IQSEC1: variants seen among roughly 807,000 people sequenced by gnomAD.
IQSEC1 encodes IQ motif and SEC7 domain-containing protein 1.
Under a neutral mutation model 91.0 loss-of-function variants are expected in IQSEC1, and 31 were observed. That is an observed-to-expected ratio of 0.34 (90% CI 0.26 to 0.46). The LOEUF (loss-of-function observed/expected upper bound fraction) is 0.46. Among genes scored for constraint, IQSEC1 ranks in the 20% least tolerant of loss-of-function variants. The pLI, the probability that IQSEC1 is intolerant of heterozygous loss-of-function variation, is 1.00. For synonymous variants in IQSEC1, 699 were observed against 662.6 expected, an observed-to-expected ratio of 1.05 and a Z score of -0.84; for missense variants, 1,388 against 1,575.6, an observed-to-expected ratio of 0.88 and a Z score of 2.02.
chr3:12,976,259 G>T (rs772994635), intron 1 of IQSEC1, among the ~76,000 whole-genome samples: 1 of 152,206 alleles, frequency 6.6e-6, no homozygotes, highest in African/African-American at 2.4e-5. Context: ...AGCAGGAGGG[G>T]GGCAGCAGTG....
intron 1 of IQSEC1, among the ~76,000 whole-genome samples, chr3:12,989,141 A>G (rs1701874607): frequency 6.6e-6 from 1 of 152,232 alleles, no homozygotes; most frequent in South Asian, 2.1e-4. Flanking sequence ...TTAGCACTCC[A>G]AAATTATTTT....
chr3:13,188,100 C>T (rs115917895), intron 1 of IQSEC1, among the ~76,000 whole-genome samples: 1,989 of 152,330 alleles, frequency 0.013, 52 homozygotes, highest in African/African-American at 0.045. Flanking sequence ...CCACGCCTGG[C>T]CTGTGCATCT....
chr3:12,976,516 C>T (rs1264553318), intron 1 of IQSEC1, among the ~76,000 whole-genome samples: 1 of 152,206 alleles, frequency 6.6e-6, no homozygotes, highest in Non-Finnish European at 1.5e-5. Context: ...CACCCTCAGG[C>T]ATAGAGTCTG....
intron 1 of IQSEC1, among the ~76,000 whole-genome samples, chr3:13,195,637 A>T (rs570003082): frequency 6.6e-6 from 1 of 152,342 alleles, no homozygotes; most frequent in Admixed American, 6.5e-5. Context: ...TACACACTGC[A>T]TGATTCCACA....
intron 1 of IQSEC1, among the ~76,000 whole-genome samples, chr3:12,963,612 T>C (rs561861763): frequency 6.6e-6 from 1 of 152,334 alleles, no homozygotes; most frequent in South Asian, 2.1e-4. Context: ...GGGGTTTCTT[T>C]TGGCTCCATT....
chr3:13,047,467 C>G, intron 1 of IQSEC1: 1 of 985,248 alleles, frequency 1.0e-6, no homozygotes, highest in Non-Finnish European at 1.2e-6. Flanking sequence ...GGGTGGACGG[C>G]AAGACAGTAC....
In IQSEC1 at chr3:12,936,181, G is replaced by C. The variant is rs749873023; in HGVS notation, c.835C>G (p.Leu279Val). 1.2e-6 allele frequency: 2 copies of C among 1,612,836 alleles called. No individual in the cohort carries two copies. The highest frequency in any genetic ancestry group is 2.7e-5 in the African/African-American group (2 of 74,932). Residue 279 changes from leucine to valine, a missense_variant, in exon 3 of 14, where the codon CTG becomes GTG. Transcript: ENST00000613206. ...CTGTACGAGGCCGTCATCTCGTCCA[G>C]TTTGCGGTGGTCCATGCCGTGCAGG... ...TALHGMDHRK[L>V]DEMTASYSDV...
intron 1 of IQSEC1, among the ~76,000 whole-genome samples, chr3:13,001,441 C>T (rs1013424224): frequency 6.6e-6 from 1 of 152,180 alleles, no homozygotes. Context: ...ATACAGTTCC[C>T]AAGCTCCATC....
chr3:12,989,362 T>C (rs951174989), intron 1 of IQSEC1, among the ~76,000 whole-genome samples: 4 of 152,234 alleles, frequency 2.6e-5, no homozygotes, highest in Non-Finnish European at 5.9e-5. Context: ...TGGTGGCTTC[T>C]GTGATATCCC....
rs1700675504 is a variant in IQSEC1, at chr3:12,967,667, G to A, written c.24-25802C>T. On this transcript the variant is annotated intron_variant, in intron 1 of 13. Transcript: ENST00000613206. The surrounding 1 kb of genome is among the most constrained non-coding windows in gnomAD (Gnocchi z 5.9). ...TCCGAGCCCCAGGCCAGCCAAGCCC[G>A]CCCCTCCGCCGCCGCCCGCTTGGCG... The A allele has an allele frequency of 4.2e-6, 5 of 1,178,328 alleles. No individual in the cohort carries two copies. Among genetic ancestry groups the A allele is most frequent in the South Asian group, 4.2e-5 (1 of 23,690 alleles). 73.0% of individuals were successfully genotyped at this position (1,178,328 alleles called of 1,614,324 possible).
intron 1 of IQSEC1, among the ~76,000 whole-genome samples, chr3:13,026,656 T>C (rs1703624210): frequency 6.6e-6 from 1 of 152,190 alleles, no homozygotes; most frequent in African/African-American, 2.4e-5. Context: ...GATGATACAC[T>C]TCCCTTCTCC....
intron 1 of IQSEC1, among the ~76,000 whole-genome samples, chr3:13,204,144 G>A (rs574781964): frequency 6.6e-6 from 1 of 152,376 alleles, no homozygotes; most frequent in South Asian, 2.1e-4. Flanking sequence ...GGGCAGGGAA[G>A]ACGCCAAGCC....
chr3:13,176,199 C>T (rs566677270), intron 1 of IQSEC1, among the ~76,000 whole-genome samples: 7 of 152,278 alleles, frequency 4.6e-5, no homozygotes, highest in African/African-American at 1.4e-4. Context: ...GAAGCAGATC[C>T]CCCGACTCCA....
In IQSEC1 at chr3:13,235,516, G is replaced by T. The variant is rs1694912651; in HGVS notation, c.272+47195C>A. On this transcript the variant is annotated intron_variant, in intron 1 of 15. Transcript: ENST00000648114. Reference sequence around the variant, plus strand: ...GGTGCTGAGCTGGTTGGGGGAGTGGGAGCACCTCAGCAGGAGGGGGAAATT... The same window carrying T: ...GGTGCTGAGCTGGTTGGGGGAGTGGTAGCACCTCAGCAGGAGGGGGAAATT... 2.0e-5 allele frequency among the ~76,000 whole-genome samples: 3 copies of T among 152,208 alleles called. No homozygotes were observed. The South Asian group carries it at 6.2e-4, about 32-fold the overall frequency.
intron 1 of IQSEC1, among the ~76,000 whole-genome samples, chr3:13,253,281 C>A (rs1401014488): frequency 6.6e-6 from 1 of 152,184 alleles, no homozygotes; most frequent in Non-Finnish European, 1.5e-5. Context: ...GGTACAGAGG[C>A]TAATACCATG....
At chr3:13,080,591 C>A (rs1008895065) in intron 2 of IQSEC1, among the ~76,000 whole-genome samples, 4 of 151,986 alleles carry the variant, frequency 2.6e-5, no homozygotes, top group Admixed American at 2.6e-4. Context: ...TCAGACAGAG[C>A]CCTGGGGACA....
rs1429166446 is a variant in IQSEC1, at chr3:12,901,030, G to A, written c.3298C>T (p.Pro1100Ser). 3 of 1,544,046 alleles carry A rather than the reference G, an allele frequency of 1.9e-6. No homozygotes were observed. In the Admixed American group the frequency reaches 5.9e-5, roughly 30 times the overall value. ...HHGQPPAPPP[P>S]TSSKAKPSGI... is the part of the protein sequence containing the mutation. ...CTGGGTTTGGCCTTGCTGCTGGTGG[G>A]GGGCGGCGGGGCAGGGGGCTGCCCA... The change falls in exon 14 of 14, where the codon CCC (proline) becomes TCC (serine). Residue 1100 changes from proline (P) to serine (S), a missense_variant. Around this residue, in one of 2 missense-constraint regions of IQSEC1, gnomAD observed 329 missense variants for 257.8 expected, o/e 1.28. Transcript: ENST00000613206.
chr3:12,962,826 C>A (rs1415911574), intron 1 of IQSEC1, among the ~76,000 whole-genome samples: 1 of 152,172 alleles, frequency 6.6e-6, no homozygotes, highest in African/African-American at 2.4e-5. Flanking sequence ...GGGAAAGAGA[C>A]AAGATGCCAG....
intron 2 of IQSEC1, among the ~76,000 whole-genome samples, chr3:13,109,136 T>G (rs990637622): frequency 1.3e-5 from 2 of 151,964 alleles, no homozygotes; most frequent in Non-Finnish European, 2.9e-5. Context: ...CGCGGGGTGG[T>G]GTACAGGCAT....
Sources: gnomAD v4.1 joint callset for allele counts (sites outside exome capture counted in the v4.1 genomes callset) on GRCh38, gnomAD v4.1.1 for gene constraint, gnomAD v4.1.1 regional missense constraint, Gnocchi (gnomAD v3.1) non-coding constraint, MANE v1.5 for transcripts, NCBI Gene and HGNC (gene_info 2026-07-23, HGNC 2026-07-21) for gene names.